Variants in INSR observed in about 807,000 individuals in gnomAD.
INSR encodes IR.
In INSR, 67 loss-of-function variants were observed where a neutral mutation model predicts 142.6. The observed-to-expected ratio is 0.47, with a 90% CI of 0.39 to 0.58. The LOEUF (loss-of-function observed/expected upper bound fraction) is 0.58. INSR is among the 20% of genes least tolerant of loss of function. The pLI, the probability that INSR is intolerant of heterozygous loss-of-function variation, is 0.00. For missense variants in INSR, 1,248 were observed against 1,833.2 expected (o/e 0.68, Z 5.83); for synonymous variants, 756 against 743.1 (o/e 1.02, Z -0.28).
At chr19:7,291,675 A>G (rs1968497280) in intron 1 of INSR, among the ~76,000 whole-genome samples, 1 of 152,332 alleles carries the variant, frequency 6.6e-6, no homozygotes, top group African/African-American at 2.4e-5. Flanking sequence ...CCATTTACTG[A>G]CCCTGAAAGC....
At chr19:7,164,872 C>T (rs529455185) in intron 8 of INSR, among the ~76,000 whole-genome samples, 6 of 147,578 alleles carry the variant, frequency 4.1e-5, no homozygotes, top group African/African-American at 1.5e-4. Flanking sequence ...TGGCTTATGC[C>T]TGTAATCCCA....
At chr19:7,275,336 G>A (rs971873435) in intron 1 of INSR, among the ~76,000 whole-genome samples, 2 of 152,086 alleles carry the variant, frequency 1.3e-5, no homozygotes, top group African/African-American at 4.8e-5. Context: ...CTCTGGAGAC[G>A]AGTCCCGCCT....
intron 2 of INSR, among the ~76,000 whole-genome samples, chr19:7,242,080 G>A (rs1302325498): frequency 6.6e-6 from 1 of 151,404 alleles, no homozygotes; most frequent in Non-Finnish European, 1.5e-5. Context: ...TTGAACTCAG[G>A]AGGCAGAAAT....
In INSR at chr19:7,170,648, T is replaced by C. The variant is rs121913160; in HGVS notation, c.1372A>G (p.Asn458Asp). The change falls in exon 6 of 22, where the codon AAC (asparagine) becomes GAC (aspartate). Residue 458 changes from asparagine to aspartate, a missense_variant. By Grantham distance (23) the Asn-to-Asp change is conservative. This residue lies in a region of INSR where 1,069 missense variants were observed against 1,654.0 expected (regional missense o/e 0.65). Coordinates refer to ENST00000302850, the MANE Select transcript of INSR (RefSeq NM_000208.4). ...ATTTCTGACAAGCAGAGTTTGGGGT[T>C]ATAGTGGAAGAAGAGTTTCCCCTGA... ...ITQGKLFFHY[N>D]PKLCLSEIHK... 2 of 1,614,004 alleles carry C rather than the reference T, an allele frequency of 1.2e-6. No individual in the cohort carries two copies. The highest frequency in any genetic ancestry group is 1.7e-6 in the Non-Finnish European group (2 of 1,180,002).
At chr19:7,242,264 G>C (rs1319262119) in intron 2 of INSR, among the ~76,000 whole-genome samples, 2 of 152,076 alleles carry the variant, frequency 1.3e-5, no homozygotes, top group Non-Finnish European at 2.9e-5. Context: ...AGCTACTTGG[G>C]AGGCTGAAGC....
intron 13 of INSR, 129 bp from the exon 14 acceptor site, chr19:7,132,446 A>T: frequency 1.0e-6 from 1 of 973,440 alleles, no homozygotes; most frequent in Non-Finnish European, 1.6e-6. Flanking sequence ...GCACAGACTA[A>T]GACACATAAG....
At chr19:7,287,844 G>A (rs532274704) in intron 1 of INSR, among the ~76,000 whole-genome samples, 6 of 152,120 alleles carry the variant, frequency 3.9e-5, no homozygotes, top group African/African-American at 9.7e-5. Flanking sequence ...GTCAGCAAAC[G>A]CTGTTCTGTA....
At chr19:7,244,931 C>CTTTTTTTTTTTTTTTT (rs370936908) in intron 2 of INSR, among the ~76,000 whole-genome samples, 1 of 88,034 alleles carries the variant, frequency 1.1e-5, no homozygotes, top group Non-Finnish European at 2.5e-5. Flanking sequence ...TTTGTTTTTG[C>CTTTTTTTTTTTTTTTT]TTTTTTTTTT....
At chr19:7,198,121 C>T (rs532802562) in intron 2 of INSR, among the ~76,000 whole-genome samples, 3 of 151,970 alleles carry the variant, frequency 2.0e-5, no homozygotes, top group South Asian at 2.1e-4. Context: ...CAAGGCTCCG[C>T]CCCCTCGAGC....
intron 6 of INSR, among the ~76,000 whole-genome samples, chr19:7,170,029 C>G (rs1351994885): frequency 6.6e-6 from 1 of 152,100 alleles, no homozygotes; most frequent in Non-Finnish European, 1.5e-5. Flanking sequence ...GGGCCACAGA[C>G]CAGTACTTAT....
At chr19:7,201,134 T>C (rs1169160263) in intron 2 of INSR, among the ~76,000 whole-genome samples, 3 of 152,166 alleles carry the variant, frequency 2.0e-5, no homozygotes, top group Non-Finnish European at 4.4e-5. Flanking sequence ...TGAGTCCATA[T>C]AAATTTTACA....
Position 7,170,626 on chromosome 19 carries a change from T to C in INSR, c.1394A>G (p.Glu465Gly). ...TGAAACTTCTTCCATCTTGTGGATT[T>C]CTGACAAGCAGAGTTTGGGGTTATA... ...FHYNPKLCLSEIHKMEEVSGT... is the reference protein window; with the variant it reads ...FHYNPKLCLSGIHKMEEVSGT... Residue 465 changes from glutamate (E) to glycine (G), a missense_variant, in exon 6 of 22, where the codon GAA (glutamate) becomes GGA (glycine). Transcript: ENST00000302850. 1 of 1,613,986 alleles carries C rather than the reference T, an allele frequency of 6.2e-7. No individual in the cohort carries two copies. Among genetic ancestry groups the C allele is most frequent in the Non-Finnish European group, 8.5e-7 (1 of 1,180,006 alleles).
At chr19:7,224,972 A>T (rs565716558) in intron 2 of INSR, among the ~76,000 whole-genome samples, 2 of 152,146 alleles carry the variant, frequency 1.3e-5, no homozygotes, top group South Asian at 4.1e-4. Context: ...AGAGAGACAG[A>T]CAGACAGACA....
rs1435323607 is a variant in INSR at position 7,192,956 on chromosome 19, G to T, written c.653-8319C>A. ...GGAGACCGCTGTGTCAGAGTCCTCT[G>T]GTGGACCCTCCCCAAGAAAGACAAT... On this transcript the variant is annotated intron_variant, in intron 2 of 21. Coordinates refer to ENST00000302850, the MANE Select transcript of INSR (RefSeq NM_000208.4). The surrounding 1 kb of genome is among the most constrained non-coding windows in gnomAD (Gnocchi z 4.2). 6.6e-6 allele frequency among the ~76,000 whole-genome samples: 1 copy of T among 152,032 alleles called. No individual in the cohort carries two copies.
chr19:7,174,766 G>C, intron 3 of INSR, 35 bp from the exon 4 acceptor site: 1 of 1,604,276 alleles, frequency 6.2e-7, no homozygotes, highest in South Asian at 1.1e-5. Flanking sequence ...GAAAGAGAAA[G>C]GGGAGGGGGG....
chr19:7,280,097 C>T (rs1010190501), intron 1 of INSR, among the ~76,000 whole-genome samples: 1 of 151,556 alleles, frequency 6.6e-6, no homozygotes, highest in African/African-American at 2.4e-5. Context: ...AACTCCGTCT[C>T]TACTAAAAAT....
Position 7,112,369 on chromosome 19 carries a change from C to T in INSR, c.*4687G>A, listed in dbSNP as rs1487941390. 6.6e-6 allele frequency: 1 copy of T among 152,168 alleles called. No homozygotes were observed. Among genetic ancestry groups the T allele is most frequent in the Non-Finnish European group, 1.5e-5 (1 of 68,032 alleles). 9.4% of individuals were successfully genotyped at this position (152,168 alleles called of 1,614,324 possible). ...AAGGCGTCTTCTGTACATGGTGCTA[C>T]TTGGCTCTTGTAGGAAAACATTGAA... On this transcript the variant is annotated 3_prime_UTR_variant, in exon 22 of 22. Transcript: ENST00000302850.
chr19:7,248,754 ATTTT>A (rs552940485), intron 2 of INSR, among the ~76,000 whole-genome samples: 29 of 97,274 alleles, frequency 3.0e-4, no homozygotes, highest in South Asian at 3.6e-4. Context: ...GTTGGCCAGA[ATTTT>A]TTTTTTTTTT....
At chr19:7,184,662 GGAAATAAATAAATAAAT>G in intron 2 of INSR, 25 bp from the exon 3 acceptor site, 7 of 982,314 alleles carry the variant, frequency 7.1e-6, no homozygotes, top group East Asian at 3.0e-5. Flanking sequence ...AGAGAGAGAG[GGAAATAAATAAATAAAT>G]AAATAAATAA....
Sources: allele counts gnomAD v4.1 joint callset (sites outside exome capture counted in the v4.1 genomes callset), GRCh38; gene constraint gnomAD v4.1.1; regional missense constraint gnomAD v4.1.1; non-coding constraint Gnocchi (gnomAD v3.1); transcripts MANE v1.5; gene names NCBI Gene and HGNC (gene_info 2026-07-23, HGNC 2026-07-21).